The following NIPBL variants were observed in gnomAD, a reference collection of about 807,000 sequenced individuals.
The protein encoded by NIPBL is NIPBL cohesin loading factor.
In NIPBL, 19 loss-of-function variants were observed where a neutral mutation model predicts 321.8. That is an observed-to-expected ratio of 0.06 (90% CI 0.04 to 0.09). The LOEUF is 0.09. Ranked by LOEUF, NIPBL falls within the 10% of genes least tolerant of loss-of-function variation. The pLI is 1.00. For synonymous variants in NIPBL, 1,106 were observed against 1,114.1 expected (o/e 0.99, Z 0.14); for missense variants, 2,210 against 3,327.0 (o/e 0.66, Z 8.26).
chr5:36,904,736 C>T (rs571434543), intron 1 of NIPBL, among the ~76,000 whole-genome samples: 1 of 152,230 alleles, frequency 6.6e-6, no homozygotes, highest in Admixed American at 6.5e-5. Flanking sequence ...CCATAGGTTG[C>T]CTATAGCTGT....
rs1253958503 is a variant in NIPBL, at chr5:37,024,667, C to T, written c.5657C>T (p.Thr1886Ile). Residue 1886 changes from threonine (T) to isoleucine (I), a missense_variant, in exon 30 of 47, where the codon ACA becomes ATA. Thr to Ile is a moderately conservative substitution (Grantham distance 89). Transcript: ENST00000282516. ...GAACAACCAACATTTCCAAAAATCA[C>T]AGAAATGTGTGTAAAAATGATTCGC... ...CIEQPTFPKI[T>I]EMCVKMIRRV... The T allele has an allele frequency of 3.7e-6, 6 of 1,611,030 alleles. No individual in the cohort carries two copies. The highest frequency in any genetic ancestry group is 5.1e-6 in the Non-Finnish European group (6 of 1,177,876).
chr5:36,966,686 GAT>G (rs1491339768), intron 6 of NIPBL, among the ~76,000 whole-genome samples: 5 of 151,906 alleles, frequency 3.3e-5, no homozygotes, highest in Non-Finnish European at 4.4e-5. Flanking sequence ...GAAAAACGAT[GAT>G]TTTTTAAAAT....
chr5:37,058,579 C>G (rs751210090), intron 43 of NIPBL, among the ~76,000 whole-genome samples: 3 of 152,136 alleles, frequency 2.0e-5, no homozygotes, highest in Non-Finnish European at 4.4e-5. Flanking sequence ...AATGACTTAC[C>G]TATGCACCAA....
intron 17 of NIPBL, 70 bp from the exon 18 acceptor site, chr5:37,007,253 G>A (rs967829802): frequency 3.0e-5 from 41 of 1,359,794 alleles, no homozygotes; most frequent in Middle Eastern, 2.2e-4. Context: ...TCAAAAAACA[G>A]TTTGAGTACT....
chr5:36,954,739 C>T (rs192214273), intron 2 of NIPBL, among the ~76,000 whole-genome samples: 114 of 152,150 alleles, frequency 7.5e-4, no homozygotes, highest in African/African-American at 2.5e-3. Flanking sequence ...TGAGGCTGAG[C>T]ACCATGATAA....
intron 31 of NIPBL, among the ~76,000 whole-genome samples, chr5:37,026,682 T>C (rs1394202203): frequency 6.6e-6 from 1 of 152,216 alleles, no homozygotes; most frequent in African/African-American, 2.4e-5. Context: ...AAATTATGAA[T>C]ATGGATTAGC....
chr5:36,960,312 G>A (rs1271403070), intron 4 of NIPBL, among the ~76,000 whole-genome samples: 1 of 151,582 alleles, frequency 6.6e-6, no homozygotes, highest in Non-Finnish European at 1.5e-5. Context: ...GTTAATTCAG[G>A]GGGGAAAAGC....
At position 37,024,795 on chromosome 5, in the gene NIPBL, A is replaced by T. The variant is rs973357485; in HGVS notation, c.5709+76A>T. On this transcript the variant is annotated intron_variant, in intron 30 of 46. Transcript: ENST00000282516. ...AAATGTTTATTGCACCTAAATGTTGATTTTAAATATATCCAAACACTTTAC... is the reference window on the plus strand; with the variant it reads ...AAATGTTTATTGCACCTAAATGTTGTTTTTAAATATATCCAAACACTTTAC... The T allele has an allele frequency of 1.9e-5, 21 of 1,122,342 alleles. No homozygotes were observed. The African/African-American group carries it at 3.1e-4, about 17-fold the overall frequency. 69.5% of individuals were successfully genotyped at this position (1,122,342 alleles called of 1,614,324 possible). A position where few individuals can be genotyped will look rare whatever the true frequency, so the allele number is the denominator to read the frequency against.
rs758109253 is a variant in NIPBL, at chr5:37,022,180, A to G, written c.5427+31A>G. On this transcript the variant is annotated intron_variant, in intron 28 of 46. Coordinates refer to ENST00000282516, the MANE Select transcript of NIPBL (RefSeq NM_133433.4). ...GAGCAAAAATGATTCTTTCTTTTCT[A>G]CTCGAATTGGAATATTCACTCTATT... 30 of 1,612,904 alleles carry G rather than the reference A, an allele frequency of 1.9e-5. No homozygotes were observed. In the East Asian group the frequency reaches 6.2e-4, roughly 34 times the overall value.
In NIPBL at chr5:36,943,986, AT is replaced by A. The variant is rs1739392444; in HGVS notation, c.-79-9631del. 2.0e-5 allele frequency among the ~76,000 whole-genome samples: 3 copies of A among 152,112 alleles called. No individual in the cohort carries two copies. In the South Asian group the frequency reaches 6.2e-4, roughly 31 times the overall value. On this transcript the variant is annotated intron_variant, in intron 1 of 46. Transcript: ENST00000282516. ...GGTGGAATGGAGAATAAAAACACAT[AT>A]GGTTGTGGGTTCCAAGAGAAAGTAG...
chr5:37,054,859 CTG>C (rs1421762666), intron 42 of NIPBL, among the ~76,000 whole-genome samples: 3 of 151,708 alleles, frequency 2.0e-5, no homozygotes, highest in African/African-American at 7.3e-5. Context: ...TGTTATTTGA[CTG>C]GGGCAGAAAG....
intron 1 of NIPBL, among the ~76,000 whole-genome samples, chr5:36,919,145 C>T (rs1748718112): frequency 6.6e-6 from 1 of 151,948 alleles, no homozygotes; most frequent in Non-Finnish European, 1.5e-5. Flanking sequence ...AATCCATTTA[C>T]ATTTTAATAT....
At position 36,962,147 on chromosome 5, in the gene NIPBL, C is replaced by T. The variant is rs536895037; in HGVS notation, c.483C>T (p.Ser161=). 1.3e-4 allele frequency: 204 copies of T among 1,614,100 alleles called. 3 individuals carry two copies. The South Asian group carries it at 1.9e-3, about 15-fold the overall frequency. The change falls in exon 6 of 47, where the codon AGC becomes AGT. Residue 161 remains serine, a synonymous_variant. Transcript: ENST00000282516. The part of the protein sequence containing the change: ...PSSRFVPPQT[S]SGNRFMPQQN... ...GCCGGTTTGTGCCACCACAGACAAGCTCTGGGAACAGATTTATGCCACAGC... is the reference window on the plus strand; with the variant it reads ...GCCGGTTTGTGCCACCACAGACAAGTTCTGGGAACAGATTTATGCCACAGC...
At chr5:37,051,452 A>G in intron 40 of NIPBL, 1 of 268,098 alleles carries the variant, frequency 3.7e-6, no homozygotes, top group Middle Eastern at 1.2e-3. Flanking sequence ...TTTAAAAACT[A>G]CTGGATTATA....
chr5:36,982,930 A>G (rs2149639736), intron 9 of NIPBL, among the ~76,000 whole-genome samples: 1 of 152,056 alleles, frequency 6.6e-6, no homozygotes, highest in African/African-American at 2.4e-5. Flanking sequence ...CCTCAAAAAT[A>G]TAGAAATCTT....
chr5:36,989,216 G>A (rs1268871283), intron 10 of NIPBL, among the ~76,000 whole-genome samples: 1 of 151,974 alleles, frequency 6.6e-6, no homozygotes, highest in African/African-American at 2.4e-5. Context: ...CAACTACCTA[G>A]TTTTTTTGTT....
chr5:37,022,199 C>T, intron 28 of NIPBL, 45 bp from the exon 29 acceptor site: 2 of 1,613,008 alleles, frequency 1.2e-6, no homozygotes, highest in Non-Finnish European at 1.7e-6. Flanking sequence ...GGAATATTCA[C>T]TCTATTTAGG....
chr5:37,019,318 G>A lies in NIPBL; in HGVS notation c.4928G>A (p.Gly1643Glu). The A allele has an allele frequency of 6.2e-7, 1 of 1,608,164 alleles. No individual in the cohort carries two copies. Among genetic ancestry groups the A allele is most frequent in the Non-Finnish European group, 8.5e-7 (1 of 1,174,886 alleles). ...SIERILKQVS[G>E]GEDEIQQLQK... ...ATTTGGTTTATTCTATAGGTTTCAG[G>A]AGGGGAAGATGAAATCCAACAATTA... Residue 1643 changes from glycine (G) to glutamate (E), a missense_variant, in exon 25 of 47, where the codon GGA becomes GAA. By Grantham distance (98) the Gly-to-Glu change is moderately conservative (BLOSUM62 -2). Coordinates refer to ENST00000282516, the MANE Select transcript of NIPBL (RefSeq NM_133433.4).
At chr5:36,916,645 C>T (rs2149552044) in intron 1 of NIPBL, among the ~76,000 whole-genome samples, 1 of 151,882 alleles carries the variant, frequency 6.6e-6, no homozygotes, top group Non-Finnish European at 1.5e-5. Flanking sequence ...TGCTATCCCT[C>T]CCCACTCCCC....
Sources: allele counts gnomAD v4.1 joint callset (sites outside exome capture counted in the v4.1 genomes callset), GRCh38; gene constraint gnomAD v4.1.1; transcripts MANE v1.5; gene names NCBI Gene and HGNC (gene_info 2026-07-23, HGNC 2026-07-21).